Variants in THADA observed in about 807,000 individuals in gnomAD.
THADA encodes the protein tRNA (32-2'-O)-methyltransferase regulator THADA.
In THADA, 213 loss-of-function variants were observed where a neutral mutation model predicts 219.8. The observed-to-expected ratio is 0.97, with a 90% CI of 0.87 to 1.09. The LOEUF is 1.09. THADA is among the 50% of genes least tolerant of loss of function. The pLI, the probability that THADA is intolerant of heterozygous loss-of-function variation, is 0.00. For synonymous variants in THADA, 1,018 were observed against 828.9 expected (o/e 1.23, Z -3.92); for missense variants, 2,956 against 2,311.3 (o/e 1.28, Z -5.72).
chr2:43,405,469 A>G (rs890938137), intron 28 of THADA, among the ~76,000 whole-genome samples: 4 of 152,216 alleles, frequency 2.6e-5, no homozygotes, highest in African/African-American at 9.6e-5. Flanking sequence ...GTGATGGCCA[A>G]GGTTGCCAGA....
intron 22 of THADA, among the ~76,000 whole-genome samples, chr2:43,518,323 T>C (rs1050382723): frequency 2.0e-5 from 3 of 152,210 alleles, no homozygotes; most frequent in South Asian, 2.1e-4. Context: ...TGTTTTCCAA[T>C]GAGAAGTGCC....
At position 43,469,818 on chromosome 2, in the gene THADA, G is replaced by A. The variant is rs115752288; in HGVS notation, c.3836+15416C>T. On this transcript the variant is annotated intron_variant, in intron 26 of 37. Coordinates refer to ENST00000405975, the MANE Select transcript of THADA (RefSeq NM_022065.5). ...GTTTCTTAGAAAGTGTTTTAAAAAC[G>A]AAAAGGACCAATTAGATGGGTATGA... Among the ~76,000 whole-genome samples the A allele has an allele frequency of 4.3e-3, 661 of 152,240 alleles. 5 individuals carry two copies. The highest frequency in any genetic ancestry group is 0.015 in the African/African-American group (626 of 41,556).
intron 31 of THADA, among the ~76,000 whole-genome samples, chr2:43,310,222 T>G (rs1457343304): frequency 4.6e-5 from 3 of 64,578 alleles, no homozygotes; most frequent in African/African-American, 1.2e-4. Flanking sequence ...TCCCTCCCTT[T>G]CCCGCCCCCC....
At chr2:43,254,426 C>T (rs972286518) in intron 36 of THADA, among the ~76,000 whole-genome samples, 1 of 151,868 alleles carries the variant, frequency 6.6e-6, no homozygotes, top group Non-Finnish European at 1.5e-5. Context: ...TCCAGTATGC[C>T]TCCCTTATGC....
chr2:43,359,230 G>A (rs1330234263), intron 29 of THADA, among the ~76,000 whole-genome samples: 1 of 152,226 alleles, frequency 6.6e-6, no homozygotes, highest in Admixed American at 6.5e-5. Context: ...CAAAGTCATA[G>A]AGAAAGGATG....
chr2:43,405,737 G>C (rs556145923), intron 28 of THADA, among the ~76,000 whole-genome samples: 43 of 152,310 alleles, frequency 2.8e-4, no homozygotes, highest in African/African-American at 1.0e-3. Flanking sequence ...AAGAGCTGTA[G>C]ACAGTAGCTA....
At chr2:43,393,429 G>A (rs1456837299) in intron 29 of THADA, among the ~76,000 whole-genome samples, 1 of 152,134 alleles carries the variant, frequency 6.6e-6, no homozygotes, top group African/African-American at 2.4e-5. Flanking sequence ...TATCTCAGCC[G>A]GGTGCGGTGG....
At chr2:43,487,333 CA>C (rs1464070063) in intron 25 of THADA, among the ~76,000 whole-genome samples, 3 of 152,122 alleles carry the variant, frequency 2.0e-5, no homozygotes, top group Admixed American at 1.3e-4. Flanking sequence ...TGCCCTAAGC[CA>C]TACTTTCTGA....
chr2:43,413,547 A>T (rs1267250937), intron 28 of THADA, among the ~76,000 whole-genome samples: 2 of 152,246 alleles, frequency 1.3e-5, no homozygotes, highest in Non-Finnish European at 2.9e-5. Context: ...TAGTTGTGGA[A>T]CATATCAATA....
chr2:43,452,790 T>C (rs147978432), intron 26 of THADA, among the ~76,000 whole-genome samples: 3 of 152,326 alleles, frequency 2.0e-5, no homozygotes, highest in African/African-American at 7.2e-5. Flanking sequence ...AATCATCTGC[T>C]GTTACAAAGC....
intron 36 of THADA, among the ~76,000 whole-genome samples, chr2:43,255,782 G>A (rs530479384): frequency 4.6e-5 from 7 of 152,296 alleles, no homozygotes; most frequent in East Asian, 1.9e-4. Flanking sequence ...TGTACTAAAC[G>A]GCTGACAGGA....
rs1258913758 is a variant in THADA at position 43,386,003 on chromosome 2, A to C, written c.4227+11968T>G. Among the ~76,000 whole-genome samples, 5 of 152,206 alleles carry C rather than the reference A, an allele frequency of 3.3e-5. No homozygotes were observed. In the East Asian group the frequency reaches 9.6e-4, roughly 29 times the overall value. ...AGATTAAAAAGGCATCCCAAATAGG[A>C]AAATGACCAAGATTCTAAATACCTA... On this transcript the variant is annotated intron_variant, in intron 29 of 37. Coordinates refer to ENST00000405975, the MANE Select transcript of THADA (RefSeq NM_022065.5).
intron 36 of THADA, among the ~76,000 whole-genome samples, chr2:43,248,787 G>A (rs934669900): frequency 1.6e-4 from 25 of 152,086 alleles, no homozygotes; most frequent in Non-Finnish European, 3.2e-4. Context: ...GGCCCGGGCC[G>A]CTTCCACAGG....
At chr2:43,346,621 A>C (rs1437412863) in intron 29 of THADA, among the ~76,000 whole-genome samples, 1 of 152,198 alleles carries the variant, frequency 6.6e-6, no homozygotes, top group Non-Finnish European at 1.5e-5. Context: ...ACACATGAGA[A>C]CTCAGAAGTT....
In THADA at chr2:43,581,917, C is replaced by G; in HGVS notation, c.545G>C (p.Gly182Ala). Reference protein sequence around the residue: ...EILEENRKCAGNHIIQTQLMN... With the variant: ...EILEENRKCAANHIIQTQLMN... ...CAACTGTGTTTGAATAATATGATTT[C>G]CAGCACATTTTCTATAAAGAAGAAA... The change falls in exon 8 of 38, where the codon GGA (glycine) becomes GCA (alanine). Residue 182 changes from glycine (G) to alanine (A), a missense_variant. Coordinates refer to ENST00000405975, the MANE Select transcript of THADA (RefSeq NM_022065.5). The G allele has an allele frequency of 6.5e-7, 1 of 1,527,830 alleles. No homozygotes were observed. The highest frequency in any genetic ancestry group is 8.7e-7 in the Non-Finnish European group (1 of 1,143,852). The allele number at this position is 1,527,830 out of a possible 1,614,324, so 94.6% of individuals were successfully genotyped here. A position where few individuals can be genotyped will look rare whatever the true frequency, so the allele number is the denominator to read the frequency against.
rs139153317 is a variant in THADA, at chr2:43,363,257, G to A, written c.4228-19020C>T. ...GTGCTATACTTTTATTTGACTGGCA[G>A]CGGAACAGGTTTGTTTACACCAGCA... On this transcript the variant is annotated intron_variant, in intron 29 of 37. Transcript: ENST00000405975. Among the ~76,000 whole-genome samples the A allele has an allele frequency of 2.1e-4, 32 of 152,284 alleles. No individual in the cohort carries two copies. In the East Asian group the frequency reaches 6.0e-3, roughly 28 times the overall value.
intron 36 of THADA, among the ~76,000 whole-genome samples, chr2:43,256,164 A>C (rs1670288285): frequency 6.6e-6 from 1 of 152,186 alleles, no homozygotes; most frequent in African/African-American, 2.4e-5. Context: ...CCCAAAATGA[A>C]GTGGTAAGGT....
chr2:43,427,592 A>T (rs1384077101), intron 28 of THADA, among the ~76,000 whole-genome samples: 1 of 149,352 alleles, frequency 6.7e-6, no homozygotes, highest in African/African-American at 2.4e-5. Context: ...CAAAAGTTTT[A>T]CATATAATAT....
At position 43,581,844 on chromosome 2, in the gene THADA, C is replaced by A. The variant is rs751672696; in HGVS notation, c.618G>T (p.Gln206His). The change falls in exon 8 of 38, where the codon CAG becomes CAT. Residue 206 changes from glutamine to histidine, a missense_variant. Gln to His is a conservative substitution (Grantham distance 24, BLOSUM62 0). Transcript: ENST00000405975. ...VGIRVSMMLV[Q>H]KVQDFQGNLW... The stretch of plus-strand genomic sequence containing the variant: ...GATTTCCCTGGAAATCTTGTACTTT[C>A]TGTACTAACATCATTGAAACTCTAA... 2 of 1,612,828 alleles carry A rather than the reference C, an allele frequency of 1.2e-6. No homozygotes were observed.
Sources: gnomAD v4.1 joint callset for allele counts (sites outside exome capture counted in the v4.1 genomes callset) on GRCh38, gnomAD v4.1.1 for gene constraint, MANE v1.5 for transcripts, NCBI Gene and HGNC (gene_info 2026-07-23, HGNC 2026-07-21) for gene names.